Variants in SLC35F3 observed in about 807,000 individuals in gnomAD.
The protein encoded by SLC35F3 is solute carrier family 35 member F3.
A neutral mutation model predicts 49.9 loss-of-function variants in SLC35F3; 25 were observed. The ratio of observed to expected loss-of-function variants is 0.50; its 90% CI spans 0.37 to 0.70. The LOEUF (loss-of-function observed/expected upper bound fraction) is 0.70. SLC35F3 is among the 30% of genes least tolerant of loss of function. The pLI is 0.00. For missense variants in SLC35F3, 525 were observed against 639.8 expected, an observed-to-expected ratio of 0.82 and a Z score of 1.94; for synonymous variants, 275 against 265.4, an observed-to-expected ratio of 1.04 and a Z score of -0.35.
intron 2 of SLC35F3, among the ~76,000 whole-genome samples, chr1:233,969,293 G>A (rs976266695): frequency 1.3e-5 from 2 of 152,250 alleles, no homozygotes; most frequent in Admixed American, 6.5e-5. Flanking sequence ...TCAATGGGCA[G>A]AGAGTTCTGT....
chr1:234,254,578 C>T (rs975428618), intron 3 of SLC35F3, among the ~76,000 whole-genome samples: 7 of 152,294 alleles, frequency 4.6e-5, no homozygotes, highest in African/African-American at 1.7e-4. Flanking sequence ...ATCTTCAAGT[C>T]TTTAGGCCCA....
In SLC35F3 at chr1:233,974,344, T is replaced by C. The variant is rs376316292; in HGVS notation, c.283+68586T>C. Among the ~76,000 whole-genome samples, 4 of 151,910 alleles carry C rather than the reference T, an allele frequency of 2.6e-5. No homozygotes were observed. The South Asian group carries it at 8.4e-4, about 32-fold the overall frequency. On this transcript the variant is annotated intron_variant, in intron 2 of 7. Coordinates refer to ENST00000366618, the MANE Select transcript of SLC35F3 (RefSeq NM_173508.4). Reference sequence around the variant, plus strand: ...GGATTACAGGTGCCCACCACCACCCTCGGCAGATTTTGTATTTTTAGTAGA... The same window carrying C: ...GGATTACAGGTGCCCACCACCACCCCCGGCAGATTTTGTATTTTTAGTAGA...
At chr1:233,989,755 T>C (rs914249055) in intron 2 of SLC35F3, among the ~76,000 whole-genome samples, 5 of 152,218 alleles carry the variant, frequency 3.3e-5, no homozygotes, top group African/African-American at 1.2e-4. Flanking sequence ...AGAGCTTTAG[T>C]AGGTTTTGAA....
At chr1:234,074,663 A>AG (rs1664768502) in intron 2 of SLC35F3, among the ~76,000 whole-genome samples, 1 of 152,220 alleles carries the variant, frequency 6.6e-6, no homozygotes, top group African/African-American at 2.4e-5. Context: ...TAGAGGCAGA[A>AG]GGTGATCTTT....
intron 3 of SLC35F3, among the ~76,000 whole-genome samples, chr1:234,272,964 G>A (rs756301320): frequency 2.0e-5 from 3 of 152,184 alleles, no homozygotes; most frequent in Non-Finnish European, 4.4e-5. Context: ...ACAGCCCCTG[G>A]GGGCTTTACT....
At chr1:234,025,994 G>A (rs1663972527) in intron 2 of SLC35F3, among the ~76,000 whole-genome samples, 1 of 152,154 alleles carries the variant, frequency 6.6e-6, no homozygotes, top group Admixed American at 6.5e-5. Flanking sequence ...GAAAGGTAGT[G>A]GTCCACTTTC....
intron 2 of SLC35F3, among the ~76,000 whole-genome samples, chr1:233,952,583 T>C (rs1056045837): frequency 5.9e-5 from 9 of 152,234 alleles, no homozygotes; most frequent in South Asian, 2.1e-4. Context: ...GTTTTGTCTG[T>C]GAGTCCTGTC....
At chr1:233,931,649 G>C (rs550358899) in intron 2 of SLC35F3, among the ~76,000 whole-genome samples, 1 of 152,288 alleles carries the variant, frequency 6.6e-6, no homozygotes, top group African/African-American at 2.4e-5. Flanking sequence ...AACAACAGAT[G>C]CTGGAGAGGA....
intron 2 of SLC35F3, among the ~76,000 whole-genome samples, chr1:234,044,803 C>T (rs1664266614): frequency 6.6e-6 from 1 of 152,124 alleles, no homozygotes; most frequent in Non-Finnish European, 1.5e-5. Flanking sequence ...TTCGTAAGTT[C>T]TGATTTCCAA....
intron 2 of SLC35F3, among the ~76,000 whole-genome samples, chr1:234,103,133 T>G (rs1285396612): frequency 6.6e-6 from 1 of 152,180 alleles, no homozygotes; most frequent in African/African-American, 2.4e-5. Flanking sequence ...TGGGCAAAAT[T>G]TGGAACCCAG....
intron 2 of SLC35F3, among the ~76,000 whole-genome samples, chr1:233,918,792 CTCTCTTTCTCTCTCTCTCTCTCTCTA>C (rs1194584790): frequency 1.2e-5 from 1 of 82,512 alleles, no homozygotes; most frequent in African/African-American, 3.2e-5. Context: ...CTCTCTCTCT[CTCTCTTTCTCTCTCTCTCTCTCTCTA>C]TATATATATA....
chr1:233,976,051 A>T (rs999976808), intron 2 of SLC35F3, among the ~76,000 whole-genome samples: 1 of 152,168 alleles, frequency 6.6e-6, no homozygotes, highest in Middle Eastern at 3.2e-3. Flanking sequence ...AAAAAAGAAA[A>T]TATGCTGGGT....
At position 234,316,961 on chromosome 1, in the gene SLC35F3, G is replaced by A. The variant is rs1657504300; in HGVS notation, c.954+234G>A. ...TTTGGCTCTCTGGGCCTTCCTATCT[G>A]TAGCCACATCGTTGCAGCACCTGGG... On this transcript the variant is annotated intron_variant, in intron 5 of 7. Coordinates refer to ENST00000366618, the MANE Select transcript of SLC35F3 (RefSeq NM_173508.4). Among the ~76,000 whole-genome samples the A allele has an allele frequency of 2.0e-5, 3 of 152,228 alleles. No individual in the cohort carries two copies. The South Asian group carries it at 6.2e-4, about 31-fold the overall frequency.
intron 4 of SLC35F3, among the ~76,000 whole-genome samples, chr1:234,314,483 G>A (rs919015115): frequency 4.2e-4 from 64 of 152,304 alleles, no homozygotes; most frequent in Admixed American, 3.6e-3. Context: ...GCTCCAGGCC[G>A]GGCACAGTGG....
chr1:233,916,388 C>T (rs187345169), intron 2 of SLC35F3, among the ~76,000 whole-genome samples: 127 of 152,302 alleles, frequency 8.3e-4, no homozygotes, highest in African/African-American at 2.9e-3. Context: ...CCGCCTCAGC[C>T]TCTTGAGTAG....
chr1:234,023,065 G>C (rs1663922345), intron 2 of SLC35F3, among the ~76,000 whole-genome samples: 1 of 152,152 alleles, frequency 6.6e-6, no homozygotes, highest in African/African-American at 2.4e-5. Context: ...AGAGGTACCT[G>C]AGCTAAGGTT....
intron 2 of SLC35F3, among the ~76,000 whole-genome samples, chr1:233,950,312 T>G (rs1316179541): frequency 7.6e-6 from 1 of 131,216 alleles, no homozygotes; most frequent in Non-Finnish European, 1.5e-5. Flanking sequence ...CATGGACCCA[T>G]GAGGCGGAGC....
Position 234,214,630 on chromosome 1 carries a change from C to T in SLC35F3, c.284-16787C>T. On this transcript the variant is annotated intron_variant, in intron 2 of 7. Transcript: ENST00000366618. This position sits in a 1 kb window ranked among gnomAD's most constrained non-coding sequence, Gnocchi z 8.0. Reference sequence around the variant, plus strand: ...CCTGCACCCTAGCCGGGGAATGCTGCCACCCTGAGGGGGGCTGTCTGGCTG... The same window carrying T: ...CCTGCACCCTAGCCGGGGAATGCTGTCACCCTGAGGGGGGCTGTCTGGCTG... The T allele has an allele frequency of 2.0e-6, 3 of 1,500,986 alleles. No homozygotes were observed. Among genetic ancestry groups the T allele is most frequent in the Non-Finnish European group, 2.7e-6 (3 of 1,123,116 alleles). 93.0% of individuals were successfully genotyped at this position (1,500,986 alleles called of 1,614,324 possible).
intron 2 of SLC35F3, among the ~76,000 whole-genome samples, chr1:234,205,728 G>A (rs758734258): frequency 2.6e-5 from 4 of 152,212 alleles, no homozygotes; most frequent in Non-Finnish European, 5.9e-5. Flanking sequence ...ATATCCAGAA[G>A]AAAATTCCTC....
Sources: gnomAD v4.1 joint callset for allele counts (sites outside exome capture counted in the v4.1 genomes callset) on GRCh38, gnomAD v4.1.1 for gene constraint, Gnocchi (gnomAD v3.1) non-coding constraint, MANE v1.5 for transcripts, NCBI Gene and HGNC (gene_info 2026-07-23, HGNC 2026-07-21) for gene names.